Variants in SDK1 observed in about 807,000 individuals in gnomAD.
SDK1 encodes protein sidekick-1.
SDK1 carries 157 observed loss-of-function variants against 245.5 expected under a neutral mutation model. The observed-to-expected ratio is 0.64, with a 90% confidence interval of 0.56 to 0.73. SDK1 has a LOEUF of 0.73. SDK1 is among the 30% of genes least tolerant of loss of function. The pLI, the probability that SDK1 is intolerant of heterozygous loss-of-function variation, is 0.00. For synonymous variants in SDK1, 1,647 were observed against 1,278.5 expected (o/e 1.29, Z -6.15); for missense variants, 3,583 against 3,002.3 (o/e 1.19, Z -4.52).
intron 1 of SDK1, among the ~76,000 whole-genome samples, chr7:3,492,318 C>G (rs1781886427): frequency 6.6e-6 from 1 of 152,114 alleles, no homozygotes; most frequent in South Asian, 2.1e-4. Flanking sequence ...CACGGTGAAA[C>G]CCCGTCTCTA....
intron 1 of SDK1, among the ~76,000 whole-genome samples, chr7:3,583,332 A>G (rs931341725): frequency 6.6e-6 from 1 of 152,192 alleles, no homozygotes; most frequent in Admixed American, 6.5e-5. Flanking sequence ...CCATTTAGAA[A>G]CTTTCCTCTT....
chr7:4,002,498 G>A (rs1785144300), intron 14 of SDK1, among the ~76,000 whole-genome samples: 1 of 152,120 alleles, frequency 6.6e-6, no homozygotes, highest in Non-Finnish European at 1.5e-5. Context: ...AAACGTGAAA[G>A]TAATTACCCA....
intron 5 of SDK1, among the ~76,000 whole-genome samples, chr7:3,880,021 C>A (rs947726955): frequency 6.6e-6 from 1 of 152,106 alleles, no homozygotes; most frequent in East Asian, 1.9e-4. Context: ...TTATAATTTC[C>A]CTTCTATTCT....
chr7:4,260,431 C>G (rs1049607402), intron 44 of SDK1, among the ~76,000 whole-genome samples: 1 of 140,812 alleles, frequency 7.1e-6, no homozygotes, highest in Non-Finnish European at 1.5e-5. Context: ...TGTTCATCGT[C>G]ACCTGATGGA....
At chr7:3,913,129 A>T (rs1463207388) in intron 5 of SDK1, among the ~76,000 whole-genome samples, 5 of 152,126 alleles carry the variant, frequency 3.3e-5, no homozygotes, top group Non-Finnish European at 7.4e-5. Flanking sequence ...TGGGCAGAGC[A>T]AGGGGTACCG....
intron 1 of SDK1, among the ~76,000 whole-genome samples, chr7:3,580,965 T>G (rs1780460829): frequency 3.9e-5 from 2 of 51,408 alleles, no homozygotes; most frequent in Admixed American, 3.8e-4. Flanking sequence ...CAAGACTCCA[T>G]CTCAAAAAAA....
At chr7:3,997,161 G>A (rs752893289) in intron 14 of SDK1, among the ~76,000 whole-genome samples, 14 of 152,154 alleles carry the variant, frequency 9.2e-5, no homozygotes, top group East Asian at 1.9e-4. Context: ...AAATTGTTAC[G>A]GGATCTTTGG....
chr7:4,074,886 GTATATATATATATA>G (rs1240017364), intron 20 of SDK1, among the ~76,000 whole-genome samples: 2 of 48,124 alleles, frequency 4.2e-5, no homozygotes, highest in African/African-American at 3.2e-4. Flanking sequence ...CTCTCTCTCT[GTATATATATATATA>G]TATATATATA....
At chr7:3,406,739 G>T (rs1779065147) in intron 1 of SDK1, among the ~76,000 whole-genome samples, 1 of 152,124 alleles carries the variant, frequency 6.6e-6, no homozygotes, top group Admixed American at 6.6e-5. Flanking sequence ...GAATGCTGGA[G>T]AAAGCATGCA....
chr7:3,495,672 A>AGTCTTTATGGGACT (rs1316920984), intron 1 of SDK1, among the ~76,000 whole-genome samples: 1 of 152,212 alleles, frequency 6.6e-6, no homozygotes. Context: ...GACTGTCACC[A>AGTCTTTATGGGACT]ACTACTCCGT....
At chr7:3,413,502 C>T (rs1427843557) in intron 1 of SDK1, among the ~76,000 whole-genome samples, 5 of 151,658 alleles carry the variant, frequency 3.3e-5, no homozygotes. Flanking sequence ...TGAGACCAGC[C>T]TGGCCAACAT....
At chr7:3,545,574 C>T (rs548111024) in intron 1 of SDK1, among the ~76,000 whole-genome samples, 1 of 152,270 alleles carries the variant, frequency 6.6e-6, no homozygotes, top group African/African-American at 2.4e-5. Context: ...CCATTTCATC[C>T]TAGCACCTAG....
intron 44 of SDK1, among the ~76,000 whole-genome samples, chr7:4,258,532 T>A (rs1787765391): frequency 6.6e-6 from 1 of 152,254 alleles, no homozygotes. Flanking sequence ...CAACTGGGGT[T>A]GAAGGTATCT....
intron 1 of SDK1, among the ~76,000 whole-genome samples, chr7:3,545,320 G>A (rs1036293187): frequency 2.6e-5 from 4 of 152,240 alleles, no homozygotes; most frequent in African/African-American, 4.8e-5. Flanking sequence ...AAACATTTTG[G>A]CAGGCGGTCA....
chr7:3,572,007 A>T (rs1265901720), intron 1 of SDK1, among the ~76,000 whole-genome samples: 1 of 152,088 alleles, frequency 6.6e-6, no homozygotes, highest in Non-Finnish European at 1.5e-5. Context: ...CACTTATTGA[A>T]CATGTACGTA....
rs375288229 is a variant in SDK1 at position 4,075,949 on chromosome 7, C to T, written c.3011-1049C>T. Among the ~76,000 whole-genome samples the T allele has an allele frequency of 4.0e-4, 61 of 152,164 alleles. No individual in the cohort carries two copies. In the East Asian group the frequency reaches 7.8e-3, roughly 19 times the overall value. ...ATTACAGGTGTGAGCCACCGTGCCCCGCAGGTCTTTTTTCTCTAAGCCCCA... is the reference window on the plus strand; with the variant it reads ...ATTACAGGTGTGAGCCACCGTGCCCTGCAGGTCTTTTTTCTCTAAGCCCCA... On this transcript the variant is annotated intron_variant, in intron 20 of 44. Transcript: ENST00000404826.
At chr7:3,959,051 C>T (rs753798210) in intron 8 of SDK1, 37 bp downstream of exon 8, 1 of 1,500,652 alleles carries the variant, frequency 6.7e-7, no homozygotes, top group South Asian at 1.1e-5. Flanking sequence ...GGAGCCATGA[C>T]TGGGAGGAAG....
intron 35 of SDK1, among the ~76,000 whole-genome samples, chr7:4,195,505 C>T (rs1783525294): frequency 6.6e-6 from 1 of 152,186 alleles, no homozygotes; most frequent in Admixed American, 6.5e-5. Context: ...TCCCCTCCCG[C>T]CTGGGAGTCT....
chr7:4,052,277 C>T (rs1479299849), intron 19 of SDK1, among the ~76,000 whole-genome samples: 5 of 148,400 alleles, frequency 3.4e-5, no homozygotes, highest in Admixed American at 1.4e-4. Context: ...TCCATCTGGT[C>T]AGTTCGAAGC....
Sources: gnomAD v4.1 joint callset for allele counts (sites outside exome capture counted in the v4.1 genomes callset) on GRCh38, gnomAD v4.1.1 for gene constraint, MANE v1.5 for transcripts, NCBI Gene and HGNC (gene_info 2026-07-23, HGNC 2026-07-21) for gene names.